The following KCNH8 variants were observed in gnomAD, a reference collection of about 807,000 sequenced individuals.
KCNH8 encodes potassium voltage-gated channel subfamily H member 8, also known as voltage-gated delayed rectifier potassium channel KCNH8.
Under a neutral mutation model 103.6 loss-of-function variants are expected in KCNH8, and 70 were observed. The observed-to-expected ratio is 0.68, with a 90% CI of 0.56 to 0.82. The LOEUF is 0.82. KCNH8 is among the 40% of genes least tolerant of loss of function. The probability of loss-of-function intolerance (pLI) is 0.00; values close to 1 mark genes in which losing one functional copy is unlikely to be tolerated. For missense variants in KCNH8, 1,217 were observed against 1,329.9 expected, an observed-to-expected ratio of 0.92 and a Z score of 1.32; for synonymous variants, 498 against 489.4, an observed-to-expected ratio of 1.02 and a Z score of -0.23.
chr3:19,463,078 C>T (rs978728512), intron 11 of KCNH8, among the ~76,000 whole-genome samples: 1 of 152,100 alleles, frequency 6.6e-6, no homozygotes, highest in African/African-American at 2.4e-5. Flanking sequence ...ATAGAATTTA[C>T]ATTGTATTAG....
chr3:19,339,840 TTGGAG>T (rs1204552403), intron 3 of KCNH8, among the ~76,000 whole-genome samples: 1 of 152,068 alleles, frequency 6.6e-6, no homozygotes, highest in African/African-American at 2.4e-5. Flanking sequence ...CGTGAAAGAC[TTGGAG>T]TGAAGTCTCA....
chr3:19,241,296 G>A (rs1304225587), intron 1 of KCNH8, among the ~76,000 whole-genome samples: 2 of 152,090 alleles, frequency 1.3e-5, no homozygotes, highest in African/African-American at 2.4e-5. Context: ...CCACCTGTCT[G>A]AGATAGAAAG....
chr3:19,506,042 A>G (rs1017808537), intron 11 of KCNH8, among the ~76,000 whole-genome samples: 4 of 152,172 alleles, frequency 2.6e-5, no homozygotes, highest in Non-Finnish European at 5.9e-5. Flanking sequence ...TATTTCATCC[A>G]TCAGCTCCTG....
chr3:19,205,099 AC>A (rs1640283250), intron 1 of KCNH8, among the ~76,000 whole-genome samples: 1 of 151,978 alleles, frequency 6.6e-6, no homozygotes, highest in South Asian at 2.1e-4. Context: ...CCAGTCATCT[AC>A]TTACCTGTTT....
At chr3:19,515,489 G>T in intron 14 of KCNH8, 61 bp downstream of exon 14, 17 of 736,348 alleles carry the variant, frequency 2.3e-5, no homozygotes, top group Admixed American at 1.2e-4. Flanking sequence ...TGTAATGTTT[G>T]TTATGGGCAT....
chr3:19,529,748 C>T (rs2069128105), intron 15 of KCNH8, among the ~76,000 whole-genome samples: 1 of 152,096 alleles, frequency 6.6e-6, no homozygotes, highest in African/African-American at 2.4e-5. Flanking sequence ...CTGGCTTTGC[C>T]ATGGTAAAAA....
chr3:19,312,821 G>C (rs1329052648), intron 3 of KCNH8, among the ~76,000 whole-genome samples: 1 of 151,868 alleles, frequency 6.6e-6, no homozygotes, highest in African/African-American at 2.4e-5. Context: ...TGTTCTACAA[G>C]ATTTCTTCCA....
At chr3:19,409,706 G>A (rs2066746942) in intron 7 of KCNH8, among the ~76,000 whole-genome samples, 1 of 152,060 alleles carries the variant, frequency 6.6e-6, no homozygotes. Flanking sequence ...CAAAGAGTCG[G>A]AGTTACTATT....
At chr3:19,288,871 C>T (rs2125279922) in intron 3 of KCNH8, among the ~76,000 whole-genome samples, 1 of 152,280 alleles carries the variant, frequency 6.6e-6, no homozygotes. Flanking sequence ...TCCTCTTTCT[C>T]CACACCCTCT....
At chr3:19,453,994 G>A (rs1227129981) in intron 10 of KCNH8, among the ~76,000 whole-genome samples, 6 of 151,998 alleles carry the variant, frequency 3.9e-5, no homozygotes, top group Non-Finnish European at 8.8e-5. Context: ...TCAAATTTGT[G>A]ACTCAGTTCT....
chr3:19,404,919 A>T (rs2066669481), intron 7 of KCNH8, among the ~76,000 whole-genome samples: 1 of 151,820 alleles, frequency 6.6e-6, no homozygotes, highest in Non-Finnish European at 1.5e-5. Context: ...TTGACAGTAT[A>T]ATTTTACAAA....
At chr3:19,421,871 A>G (rs934513848) in intron 7 of KCNH8, among the ~76,000 whole-genome samples, 2 of 152,094 alleles carry the variant, frequency 1.3e-5, no homozygotes, top group African/African-American at 4.8e-5. Flanking sequence ...TATAATCTCA[A>G]TCAGGTCTTT....
intron 3 of KCNH8, among the ~76,000 whole-genome samples, chr3:19,302,521 A>G (rs536517476): frequency 6.6e-6 from 1 of 152,270 alleles, no homozygotes; most frequent in South Asian, 2.1e-4. Context: ...CTTCTTTGTG[A>G]AGAAAACATT....
intron 7 of KCNH8, among the ~76,000 whole-genome samples, chr3:19,425,591 C>T (rs2067017382): frequency 6.6e-6 from 1 of 152,152 alleles, no homozygotes; most frequent in Non-Finnish European, 1.5e-5. Context: ...AAAGTCTCCC[C>T]TTCAGTAGTA....
At position 19,284,320 on chromosome 3, in the gene KCNH8, T is replaced by G. The variant is rs538208397; in HGVS notation, c.442+2991T>G. The stretch of plus-strand genomic sequence containing the variant: ...AAATGGCATGGACTTCTATTAAAAA[T>G]ACTTTAATCATTTTTCTATGTTTTG... On this transcript the variant is annotated intron_variant, in intron 3 of 15. Transcript: ENST00000328405. 2.6e-4 allele frequency among the ~76,000 whole-genome samples: 39 copies of G among 152,250 alleles called. 2 individuals carry two copies. In the South Asian group the frequency reaches 8.1e-3, roughly 32 times the overall value.
chr3:19,410,620 A>G (rs6800741), intron 7 of KCNH8, among the ~76,000 whole-genome samples: 1,679 of 152,116 alleles, frequency 0.011, 28 homozygotes, highest in African/African-American at 0.037. Flanking sequence ...TTTCTTAAGA[A>G]ATAAACAAGG....
intron 1 of KCNH8, among the ~76,000 whole-genome samples, chr3:19,245,809 G>A (rs2064197239): frequency 6.6e-6 from 1 of 152,148 alleles, no homozygotes; most frequent in South Asian, 2.1e-4. Context: ...AAACCATACT[G>A]AAAGTGTTTA....
chr3:19,285,825 G>C (rs1471805454), intron 3 of KCNH8, among the ~76,000 whole-genome samples: 1 of 152,126 alleles, frequency 6.6e-6, no homozygotes, highest in African/African-American at 2.4e-5. Context: ...GGTGGACACA[G>C]ATCCAGTTTT....
intron 6 of KCNH8, 80 bp from the exon 7 acceptor site, chr3:19,395,024 T>G: frequency 9.9e-7 from 1 of 1,007,710 alleles, no homozygotes; most frequent in African/African-American, 1.6e-5. Flanking sequence ...TTTCCAGAAT[T>G]TTTAGAATGG....
Sources: gnomAD v4.1 joint callset for allele counts (sites outside exome capture counted in the v4.1 genomes callset) on GRCh38, gnomAD v4.1.1 for gene constraint, MANE v1.5 for transcripts, NCBI Gene and HGNC (gene_info 2026-07-23, HGNC 2026-07-21) for gene names.